ARHGAP28: variants seen among roughly 807,000 people sequenced by gnomAD.
The protein encoded by ARHGAP28 is rho GTPase-activating protein 28.
In ARHGAP28, 56 loss-of-function variants were observed where a neutral mutation model predicts 90.7. The ratio of observed to expected loss-of-function variants is 0.62; its 90% CI spans 0.50 to 0.77. The LOEUF is 0.77. Ranked by LOEUF, ARHGAP28 falls within the 30% of genes least tolerant of loss-of-function variation. ARHGAP28 has a pLI of 0.00. For missense variants in ARHGAP28, 869 were observed against 900.9 expected (o/e 0.96, Z 0.45); for synonymous variants, 308 against 323.3 (o/e 0.95, Z 0.51).
chr18:6,821,147 T>C (rs1346864545), intron 1 of ARHGAP28, among the ~76,000 whole-genome samples: 1 of 152,190 alleles, frequency 6.6e-6, no homozygotes, highest in Non-Finnish European at 1.5e-5. Flanking sequence ...ATTTACACTG[T>C]TGTGAAGTTA....
intron 1 of ARHGAP28, among the ~76,000 whole-genome samples, chr18:6,806,764 G>A (rs1477183758): frequency 6.6e-6 from 1 of 151,776 alleles, no homozygotes; most frequent in African/African-American, 2.4e-5. Context: ...CCTTCTGCTT[G>A]AAGGATTTCC....
At chr18:6,853,497 A>G (rs1567970918) in intron 4 of ARHGAP28, among the ~76,000 whole-genome samples, 1 of 150,014 alleles carries the variant, frequency 6.7e-6, no homozygotes, top group Non-Finnish European at 1.5e-5. Flanking sequence ...TTGGAGACAG[A>G]GTTTCACTCT....
chr18:6,825,001 GCTTT>G lies in ARHGAP28; in HGVS notation c.325+44_325+47del, dbSNP rs956573189. ...GATTTGTCTTCCTATGTGCTGACTGGCTTTCTTTCTCTGCCCTCTGTTACTCTGT... is the reference window on the plus strand; with the variant it reads ...GATTTGTCTTCCTATGTGCTGACTGGCTTTCTCTGCCCTCTGTTACTCTGT... On this transcript the variant is annotated intron_variant, in intron 2 of 17. Transcript: ENST00000383472. 4.0e-6 allele frequency: 6 copies of G among 1,488,442 alleles called. No homozygotes were observed. In the African/African-American group the frequency reaches 8.4e-5, roughly 21 times the overall value. The allele number at this position is 1,488,442 out of a possible 1,614,324, so 92.2% of individuals were successfully genotyped here. A position where few individuals can be genotyped will look rare whatever the true frequency, so the allele number is the denominator to read the frequency against.
At chr18:6,870,880 A>C (rs2057080649) in intron 7 of ARHGAP28, 148 bp downstream of exon 7, 5 of 772,666 alleles carry the variant, frequency 6.5e-6, no homozygotes, top group Non-Finnish European at 9.7e-6. Context: ...GGCTCACTGC[A>C]AGCTCTGCCT....
At chr18:6,906,789 A>G (rs2057366898) in intron 16 of ARHGAP28, among the ~76,000 whole-genome samples, 1 of 152,192 alleles carries the variant, frequency 6.6e-6, no homozygotes, top group Non-Finnish European at 1.5e-5. Flanking sequence ...TGACCTCACC[A>G]AAATGGAAAA....
Position 6,882,223 on chromosome 18 carries a change from G to C in ARHGAP28, c.1377G>C (p.Leu459Phe), listed in dbSNP as rs917287052. The part of the protein sequence containing the change: ...KMCHREAAVM[L>F]KAFFRELPTS... ...GCCATAGAGAAGCTGCAGTAATGTT[G>C]AAAGCGTTTTTCAGAGAACTACCCA... Residue 459 changes from leucine (L) to phenylalanine (F), a missense_variant, in exon 11 of 18, where the codon TTG becomes TTC. By Grantham distance (22) the Leu-to-Phe change is conservative. Coordinates refer to ENST00000383472, the MANE Select transcript of ARHGAP28 (RefSeq NM_001366230.1). 1 of 1,613,938 alleles carries C rather than the reference G, an allele frequency of 6.2e-7. No individual in the cohort carries two copies. The highest frequency in any genetic ancestry group is 1.3e-5 in the African/African-American group (1 of 74,916).
chr18:6,819,380 G>A (rs1418087656), intron 1 of ARHGAP28, among the ~76,000 whole-genome samples: 2 of 152,138 alleles, frequency 1.3e-5, no homozygotes, highest in African/African-American at 4.8e-5. Flanking sequence ...GGAGAGCTGT[G>A]GATACAAAGA....
Position 6,766,565 on chromosome 18 carries a change from C to T in ARHGAP28, c.122+36622C>T, listed in dbSNP as rs943913790. 5.9e-5 allele frequency among the ~76,000 whole-genome samples: 9 copies of T among 152,184 alleles called. 2 individuals are homozygous for T. The highest frequency in any genetic ancestry group is 1.9e-4 in the East Asian group (1 of 5,156). ...GTGGTACTAAACGGGGCTGATACAG[C>T]GCCAATGCCAGCTCCTCTGATGGGC... On this transcript the variant is annotated intron_variant, in intron 1 of 17. Coordinates refer to ENST00000383472, the MANE Select transcript of ARHGAP28 (RefSeq NM_001366230.1).
chr18:6,798,354 C>T (rs563530691), intron 1 of ARHGAP28, among the ~76,000 whole-genome samples: 2 of 152,104 alleles, frequency 1.3e-5, no homozygotes, highest in East Asian at 1.9e-4. Context: ...CCACCATGCC[C>T]GGCTAATTTT....
intron 12 of ARHGAP28, among the ~76,000 whole-genome samples, chr18:6,888,327 GAA>G (rs2057237889): frequency 6.6e-6 from 1 of 151,662 alleles, no homozygotes; most frequent in East Asian, 2.0e-4. Flanking sequence ...TGGAATCTTT[GAA>G]ATGAAATTGA....
At chr18:6,812,485 G>A (rs987901809) in intron 1 of ARHGAP28, among the ~76,000 whole-genome samples, 5 of 152,110 alleles carry the variant, frequency 3.3e-5, no homozygotes, top group South Asian at 2.1e-4. Context: ...AACATTACTG[G>A]AAAATGAGCG....
chr18:6,844,276 A>G (rs1021780391), intron 3 of ARHGAP28, among the ~76,000 whole-genome samples: 5 of 152,206 alleles, frequency 3.3e-5, no homozygotes, highest in African/African-American at 9.7e-5. Context: ...TTCTCTCTGA[A>G]GAAGACGATG....
chr18:6,805,371 A>G (rs969080285), intron 1 of ARHGAP28, among the ~76,000 whole-genome samples: 16 of 149,392 alleles, frequency 1.1e-4, no homozygotes, highest in African/African-American at 4.0e-4. Flanking sequence ...TACAACTTTC[A>G]TTTGATTTGT....
At chr18:6,815,205 C>A (rs78397003) in intron 1 of ARHGAP28, among the ~76,000 whole-genome samples, 16 of 152,198 alleles carry the variant, frequency 1.1e-4, no homozygotes, top group Non-Finnish European at 2.2e-4. Flanking sequence ...ACTTTGCCTG[C>A]AAAGCAGACA....
At position 6,837,372 on chromosome 18, in the gene ARHGAP28, T is replaced by G. The variant is rs143406734; in HGVS notation, c.501T>G (p.Ser167=). ...TQTMRKKDKQ[S]IRDVRDIFGV... is the part of the protein sequence containing the mutation. Reference sequence around the variant, plus strand: ...CCATGAGGAAAAAGGATAAGCAATCTATCAGGGATGTCAGAGACATTTTTG... The same window carrying G: ...CCATGAGGAAAAAGGATAAGCAATCGATCAGGGATGTCAGAGACATTTTTG... The change falls in exon 3 of 18, where the codon TCT becomes TCG. Residue 167 remains serine, a synonymous_variant. Transcript: ENST00000383472. 54 of 1,613,578 alleles carry G rather than the reference T, an allele frequency of 3.3e-5. No individual in the cohort carries two copies. In the African/African-American group the frequency reaches 6.8e-4, roughly 20 times the overall value.
intron 5 of ARHGAP28, among the ~76,000 whole-genome samples, chr18:6,862,598 C>G (rs1021492472): frequency 2.0e-5 from 3 of 152,186 alleles, no homozygotes; most frequent in Non-Finnish European, 4.4e-5. Flanking sequence ...GGTAAGTTCC[C>G]CTTCATCAAA....
At chr18:6,888,848 G>A (rs1353265335) in intron 12 of ARHGAP28, among the ~76,000 whole-genome samples, 1 of 152,052 alleles carries the variant, frequency 6.6e-6, no homozygotes, top group Non-Finnish European at 1.5e-5. Context: ...TCTAAATTGT[G>A]ACTGGAGCTA....
intron 1 of ARHGAP28, among the ~76,000 whole-genome samples, chr18:6,783,147 T>C (rs2056338360): frequency 1.3e-5 from 2 of 152,286 alleles, no homozygotes; most frequent in South Asian, 2.1e-4. Flanking sequence ...GGCATTCATC[T>C]TGTTTTTCTT....
In ARHGAP28 at chr18:6,882,145, T is replaced by C; in HGVS notation, c.1299T>C (p.Arg433=). 6.2e-7 allele frequency: 1 copy of C among 1,613,096 alleles called. No individual in the cohort carries two copies. Among genetic ancestry groups the C allele is most frequent in the Non-Finnish European group, 8.5e-7 (1 of 1,179,478 alleles). The part of the protein sequence containing the change: ...SGCTAKVKQY[R]EELDAKFNAD... ...TTTTCCTTGATTTACAGCAATACCG[T>C]GAAGAACTTGATGCCAAGTTTAATG... Residue 433 remains arginine, a synonymous_variant, in exon 11 of 18, where the codon CGT becomes CGC. Coordinates refer to ENST00000383472, the MANE Select transcript of ARHGAP28 (RefSeq NM_001366230.1).
Sources: gnomAD v4.1 joint callset for allele counts (sites outside exome capture counted in the v4.1 genomes callset) on GRCh38, gnomAD v4.1.1 for gene constraint, MANE v1.5 for transcripts, NCBI Gene and HGNC (gene_info 2026-07-23, HGNC 2026-07-21) for gene names.